MDGA2: variants seen among roughly 807,000 people sequenced by gnomAD.
MDGA2 encodes MAM domain-containing glycosylphosphatidylinositol anchor protein 2.
Under a neutral mutation model 117.8 loss-of-function variants are expected in MDGA2, and 40 were observed. That is an observed-to-expected ratio of 0.34 (90% CI 0.26 to 0.44). MDGA2 has a LOEUF of 0.44. Ranked by LOEUF, MDGA2 falls within the 20% of genes least tolerant of loss-of-function variation. The pLI, the probability that MDGA2 is intolerant of heterozygous loss-of-function variation, is 1.00. For missense variants in MDGA2, 1,123 were observed against 1,250.6 expected (o/e 0.90, Z 1.54); for synonymous variants, 452 against 439.0 (o/e 1.03, Z -0.37).
chr14:46,914,313 G>C (rs1198153674), intron 10 of MDGA2, among the ~76,000 whole-genome samples: 1 of 152,064 alleles, frequency 6.6e-6, no homozygotes, highest in Non-Finnish European at 1.5e-5. Context: ...GCTTAGCTGA[G>C]CCTAAAAAGT....
intron 1 of MDGA2, among the ~76,000 whole-genome samples, chr14:47,383,428 T>C (rs1314899384): frequency 6.6e-6 from 1 of 152,160 alleles, no homozygotes. Context: ...ATGTATTAAA[T>C]CACTACTGTA....
chr14:47,651,943 C>G (rs1441345383), intron 1 of MDGA2, among the ~76,000 whole-genome samples: 14 of 152,206 alleles, frequency 9.2e-5, no homozygotes, highest in Non-Finnish European at 4.4e-5. Flanking sequence ...AATGTTGATG[C>G]CTTTGAGCAC....
rs143457865 is a variant in MDGA2 at position 46,955,201 on chromosome 14, T to G, written c.2089+2173A>C. Among the ~76,000 whole-genome samples the G allele has an allele frequency of 6.0e-3, 918 of 152,078 alleles. 2 individuals carry two copies. The highest frequency in any genetic ancestry group is 0.019 in the East Asian group (96 of 5,176). On this transcript the variant is annotated intron_variant, in intron 9 of 16. Transcript: ENST00000399232. ...AAATAGAACTATTTATGTCTACATA[T>G]TAATATATAAGTAATATAGATAATA... is the stretch of plus-strand genomic sequence containing the variant.
At chr14:47,297,430 G>A (rs1889110995) in intron 2 of MDGA2, among the ~76,000 whole-genome samples, 1 of 146,958 alleles carries the variant, frequency 6.8e-6, no homozygotes, top group South Asian at 2.2e-4. Context: ...GAGGGGAGTG[G>A]AGGGGAGTGA....
intron 2 of MDGA2, among the ~76,000 whole-genome samples, chr14:47,298,809 T>C (rs542629537): frequency 4.6e-5 from 7 of 151,002 alleles, no homozygotes; most frequent in South Asian, 2.1e-4. Context: ...CTCAGCCTCC[T>C]GAGTAGCTGG....
chr14:47,589,363 T>C (rs986142515), intron 1 of MDGA2, among the ~76,000 whole-genome samples: 1 of 152,008 alleles, frequency 6.6e-6, no homozygotes, highest in Non-Finnish European at 1.5e-5. Context: ...CTGCATATGG[T>C]GTAAAGGACA....
chr14:47,225,171 G>A (rs573950016), intron 2 of MDGA2, among the ~76,000 whole-genome samples: 179 of 152,148 alleles, frequency 1.2e-3, no homozygotes, highest in Admixed American at 2.1e-3. Flanking sequence ...AACAGGTGCT[G>A]GAGAGGATGT....
chr14:47,343,286 TA>T, intron 1 of MDGA2: 2 of 1,132,496 alleles, frequency 1.8e-6, no homozygotes, highest in Non-Finnish European at 2.2e-6. Context: ...AAGGCAATGT[TA>T]ACTAAGTTCT....
chr14:47,387,613 C>T (rs1891791333), intron 1 of MDGA2, among the ~76,000 whole-genome samples: 1 of 152,184 alleles, frequency 6.6e-6, no homozygotes, highest in African/African-American at 2.4e-5. Flanking sequence ...CTTAGTAAAT[C>T]AACCAAGATA....
At chr14:47,014,314 A>G (rs1256911206) in intron 8 of MDGA2, among the ~76,000 whole-genome samples, 1 of 152,162 alleles carries the variant, frequency 6.6e-6, no homozygotes, top group Non-Finnish European at 1.5e-5. Context: ...GAAATGGCAA[A>G]TGAGCATTGG....
chr14:47,004,608 C>T (rs1241114623), intron 8 of MDGA2, among the ~76,000 whole-genome samples: 1 of 151,650 alleles, frequency 6.6e-6, no homozygotes, highest in Non-Finnish European at 1.5e-5. Context: ...AATCCAAAAA[C>T]ACAAAGAAAA....
intron 8 of MDGA2, among the ~76,000 whole-genome samples, chr14:47,015,482 G>C (rs145698714): frequency 4.2e-4 from 64 of 151,848 alleles, no homozygotes; most frequent in African/African-American, 1.4e-3. Flanking sequence ...AAATCAAATA[G>C]ACATGAACAA....
intron 3 of MDGA2, among the ~76,000 whole-genome samples, chr14:47,191,236 G>C (rs1885099625): frequency 4.0e-5 from 6 of 151,422 alleles, no homozygotes; most frequent in Admixed American, 3.3e-4. Flanking sequence ...AAAACAATAT[G>C]GAGACCCTAG....
rs1279921268 is a variant in MDGA2, at chr14:47,343,116, C to A, written c.281-41566G>T. ...GCCTCACCTTGAATAACCAGATGCT[C>A]GAGGCACACAATAATGAAACAGCTG... is the stretch of plus-strand genomic sequence containing the variant. On this transcript the variant is annotated intron_variant, in intron 1 of 16. Coordinates refer to ENST00000399232, the MANE Select transcript of MDGA2 (RefSeq NM_001113498.3). 7 of 1,232,804 alleles carry A rather than the reference C, an allele frequency of 5.7e-6. No homozygotes were observed. The African/African-American group carries it at 1.1e-4, about 19-fold the overall frequency. 76.4% of individuals were successfully genotyped at this position (1,232,804 alleles called of 1,614,324 possible).
chr14:47,633,007 A>G (rs1487222641), intron 1 of MDGA2, among the ~76,000 whole-genome samples: 1 of 152,176 alleles, frequency 6.6e-6, no homozygotes, highest in Non-Finnish European at 1.5e-5. Context: ...AACTATATAA[A>G]TGTTAAATGA....
rs531801988 is a variant in MDGA2, at chr14:47,671,961, G to T, written c.280+2556C>A. Among the ~76,000 whole-genome samples the T allele has an allele frequency of 9.3e-4, 141 of 152,218 alleles. 2 individuals carry two copies. The highest frequency in any genetic ancestry group is 3.4e-3 in the Middle Eastern group (1 of 294). On this transcript the variant is annotated intron_variant, in intron 1 of 16. Coordinates refer to ENST00000399232, the MANE Select transcript of MDGA2 (RefSeq NM_001113498.3). ...AATGAAACTGTAAGCCTATGTTAGTGCTTCTCAACTTCAGTGTCCACTGTA... is the reference window on the plus strand; with the variant it reads ...AATGAAACTGTAAGCCTATGTTAGTTCTTCTCAACTTCAGTGTCCACTGTA...
intron 5 of MDGA2, among the ~76,000 whole-genome samples, chr14:47,129,389 A>G (rs902438979): frequency 3.2e-4 from 49 of 152,202 alleles, no homozygotes; most frequent in African/African-American, 8.9e-4. Context: ...AAGATTTCCA[A>G]TTTCATCCAT....
rs1166427477 is a variant in MDGA2 at position 47,122,850 on chromosome 14, G to A, written c.925+8864C>T. ...AAAATTAAAAATTAATTGTTCTTAG[G>A]AGTATAAAAAATCCTATTACTTTAT... is the stretch of plus-strand genomic sequence containing the variant. On this transcript the variant is annotated intron_variant, in intron 5 of 16. Coordinates refer to ENST00000399232, the MANE Select transcript of MDGA2 (RefSeq NM_001113498.3). Among the ~76,000 whole-genome samples, 4 of 151,858 alleles carry A rather than the reference G, an allele frequency of 2.6e-5. No individual in the cohort carries two copies. In the East Asian group the frequency reaches 7.7e-4, roughly 29 times the overall value.
At chr14:47,137,991 T>C (rs75190794) in intron 4 of MDGA2, among the ~76,000 whole-genome samples, 3,850 of 152,260 alleles carry the variant, frequency 0.025, 151 homozygotes, top group African/African-American at 0.088. Flanking sequence ...GTTAATGGAA[T>C]ATTGTTTAAA....
Sources: gnomAD v4.1 joint callset for allele counts (sites outside exome capture counted in the v4.1 genomes callset) on GRCh38, gnomAD v4.1.1 for gene constraint, MANE v1.5 for transcripts, NCBI Gene and HGNC (gene_info 2026-07-23, HGNC 2026-07-21) for gene names.